The following THSD4 variants were observed in gnomAD, a reference collection of about 807,000 sequenced individuals.
THSD4 encodes thrombospondin type-1 domain-containing protein 4.
THSD4 carries 69 observed loss-of-function variants against 119.0 expected under a neutral mutation model. The ratio of observed to expected loss-of-function variants is 0.58; its 90% CI spans 0.48 to 0.71. The LOEUF (loss-of-function observed/expected upper bound fraction) is 0.71, where lower values mean the gene tolerates loss of function less well. THSD4 is among the 30% of genes least tolerant of loss of function. THSD4 has a pLI of 0.00. For synonymous variants in THSD4, 524 were observed against 540.4 expected, an observed-to-expected ratio of 0.97 and a Z score of 0.42; for missense variants, 1,393 against 1,391.1, an observed-to-expected ratio of 1.00 and a Z score of -0.02.
chr15:71,710,021 T>G (rs1271384015), intron 8 of THSD4, among the ~76,000 whole-genome samples: 1 of 152,198 alleles, frequency 6.6e-6, no homozygotes, highest in Non-Finnish European at 1.5e-5. Flanking sequence ...CCAGGCTGGA[T>G]GTCACTTGGT....
At chr15:71,186,260 T>C (rs1358843251) in intron 3 of THSD4, 3 of 151,986 alleles carry the variant, frequency 2.0e-5, no homozygotes, top group Non-Finnish European at 4.4e-5. Context: ...TACAAAGACA[T>C]GGAGGAAATG....
chr15:71,344,038 CTT>C (rs34729777), intron 6 of THSD4, among the ~76,000 whole-genome samples: 66 of 120,458 alleles, frequency 5.5e-4, no homozygotes, highest in Admixed American at 5.0e-4. Flanking sequence ...AGCCAGGATT[CTT>C]TTTTTTTTTT....
At chr15:71,152,854 C>T (rs140086421) in intron 2 of THSD4, among the ~76,000 whole-genome samples, 1 of 152,282 alleles carries the variant, frequency 6.6e-6, no homozygotes, top group African/African-American at 2.4e-5. Context: ...CACCTCCGCA[C>T]CCCCAGCTCC....
chr15:71,320,557 G>T (rs961501577), intron 6 of THSD4, among the ~76,000 whole-genome samples: 15 of 152,122 alleles, frequency 9.9e-5, no homozygotes, highest in African/African-American at 3.6e-4. Context: ...CATAGCCCAC[G>T]TTAGATTGGT....
intron 7 of THSD4, among the ~76,000 whole-genome samples, chr15:71,463,435 G>T (rs1037236747): frequency 6.6e-6 from 1 of 152,066 alleles, no homozygotes; most frequent in Non-Finnish European, 1.5e-5. Flanking sequence ...AAATTATACC[G>T]TCATCTGGTC....
rs2044164239 is a variant in THSD4 at position 71,242,771 on chromosome 15, C to G, written c.587C>G (p.Ser196Cys). 1 of 1,614,094 alleles carries G rather than the reference C, an allele frequency of 6.2e-7. No individual in the cohort carries two copies. The highest frequency in any genetic ancestry group is 1.3e-5 in the African/African-American group (1 of 74,930). Residue 196 changes from serine (S) to cysteine (C), a missense_variant, in exon 5 of 18, where the codon TCC (serine) becomes TGC (cysteine). Physicochemically the swap from Ser to Cys is moderately radical, Grantham distance 112 (BLOSUM62 -1). Transcript: ENST00000261862. ...PQRLRRQKLS[S>C]RHSRSQGASS... ...AGGCTCCGGAGACAGAAGCTCTCAT[C>G]CCGCCATTCCAGGTCCCAGGGAGCA... is the stretch of plus-strand genomic sequence containing the variant.
chr15:71,446,433 A>G (rs1322466087), intron 7 of THSD4, among the ~76,000 whole-genome samples: 2 of 152,176 alleles, frequency 1.3e-5, no homozygotes, highest in African/African-American at 4.8e-5. Flanking sequence ...GTTTAGTTCT[A>G]CAGTGTTGTT....
intron 6 of THSD4, among the ~76,000 whole-genome samples, chr15:71,315,310 C>T (rs1251954125): frequency 6.6e-6 from 1 of 152,256 alleles, no homozygotes; most frequent in Non-Finnish European, 1.5e-5. Context: ...CCTTCTTGCC[C>T]AAAACCTGGA....
chr15:71,745,371 G>A, intron 12 of THSD4, 136 bp downstream of exon 12: 1 of 1,215,348 alleles, frequency 8.2e-7, no homozygotes. Flanking sequence ...ATAAAATGCA[G>A]TCTGTTTAGC....
intron 8 of THSD4, among the ~76,000 whole-genome samples, chr15:71,719,720 G>A (rs2052677718): frequency 6.6e-6 from 1 of 152,126 alleles, no homozygotes; most frequent in Admixed American, 6.5e-5. Flanking sequence ...CCGTCTCCCG[G>A]GCTGGAGTAC....
intron 8 of THSD4, among the ~76,000 whole-genome samples, chr15:71,697,978 A>G (rs780908747): frequency 3.3e-5 from 5 of 151,908 alleles, no homozygotes; most frequent in Non-Finnish European, 7.4e-5. Context: ...CCACTTCAGC[A>G]CGTGAATGAG....
chr15:71,214,302 G>A (rs180946697), intron 3 of THSD4, among the ~76,000 whole-genome samples: 5 of 152,322 alleles, frequency 3.3e-5, no homozygotes, highest in African/African-American at 1.2e-4. Flanking sequence ...ACTTGCTGAG[G>A]TATCTTTGTA....
At chr15:71,165,331 T>G (rs535831390) in intron 3 of THSD4, 158 of 1,575,058 alleles carry the variant, frequency 1.0e-4, no homozygotes, top group African/African-American at 5.5e-4. Flanking sequence ...TCTGGGTGCT[T>G]CTTCTTATGC....
At position 71,341,764 on chromosome 15, in the gene THSD4, C is replaced by G. The variant is rs781146297; in HGVS notation, c.1016-69923C>G. 4.9e-6 allele frequency: 4 copies of G among 813,426 alleles called. No homozygotes were observed. In the Admixed American group the frequency reaches 6.8e-5, roughly 14 times the overall value. 50.4% of individuals were successfully genotyped at this position (813,426 alleles called of 1,614,324 possible). On this transcript the variant is annotated intron_variant, in intron 6 of 17. Coordinates refer to ENST00000261862, the MANE Select transcript of THSD4 (RefSeq NM_024817.3). The stretch of plus-strand genomic sequence containing the variant: ...GGAAAAGAGCTCTCTCCCTTTTCTT[C>G]CTTTTTTCTCCTACCTCCCTCACAA...
At chr15:71,632,859 C>T (rs535766464) in intron 7 of THSD4, among the ~76,000 whole-genome samples, 1 of 152,108 alleles carries the variant, frequency 6.6e-6, no homozygotes, top group East Asian at 1.9e-4. Flanking sequence ...CAGAGGCTGA[C>T]GATAAAGGCT....
At chr15:71,265,841 G>C (rs1472408741) in intron 6 of THSD4, among the ~76,000 whole-genome samples, 1 of 152,202 alleles carries the variant, frequency 6.6e-6, no homozygotes, top group African/African-American at 2.4e-5. Flanking sequence ...AAAGCCGCCA[G>C]GAAGTTCAAA....
intron 1 of THSD4, among the ~76,000 whole-genome samples, chr15:71,103,592 AG>A (rs916275673): frequency 6.6e-6 from 1 of 151,928 alleles, no homozygotes; most frequent in African/African-American, 2.4e-5. Flanking sequence ...AGGAGGAGAA[AG>A]GTGAAAAAAA....
intron 8 of THSD4, among the ~76,000 whole-genome samples, chr15:71,677,394 A>G (rs374500820): frequency 6.6e-6 from 1 of 152,194 alleles, no homozygotes; most frequent in African/African-American, 2.4e-5. Context: ...TCCAGAACCA[A>G]ATATTCACAA....
At chr15:71,576,902 G>T (rs1389270888) in intron 7 of THSD4, among the ~76,000 whole-genome samples, 1 of 151,872 alleles carries the variant, frequency 6.6e-6, no homozygotes, top group Non-Finnish European at 1.5e-5. Context: ...CTGTTTCCTG[G>T]TTTCTTCCAT....
Sources: allele counts gnomAD v4.1 joint callset (sites outside exome capture counted in the v4.1 genomes callset), GRCh38; gene constraint gnomAD v4.1.1; transcripts MANE v1.5; gene names NCBI Gene and HGNC (gene_info 2026-07-23, HGNC 2026-07-21).